The following GFRA1 variants were observed in gnomAD, a reference collection of about 807,000 sequenced individuals.
GFRA1 encodes GDNF family receptor alpha 1, also known as GDNF family receptor alpha-1.
In GFRA1, 16 loss-of-function variants were observed where a neutral mutation model predicts 51.6. The observed-to-expected ratio is 0.31, with a 90% CI of 0.21 to 0.47. The LOEUF (loss-of-function observed/expected upper bound fraction) is 0.47, where lower values mean the gene tolerates loss of function less well. GFRA1 is among the 20% of genes least tolerant of loss of function. GFRA1 has a pLI of 1.00. For synonymous variants in GFRA1, 270 were observed against 241.3 expected (o/e 1.12, Z -1.10); for missense variants, 530 against 594.3 (o/e 0.89, Z 1.13).
At chr10:116,096,884 C>G in intron 6 of GFRA1, 120 bp from the exon 7 acceptor site, 1 of 630,784 alleles carries the variant, frequency 1.6e-6, no homozygotes, top group Non-Finnish European at 2.9e-6. Flanking sequence ...CGCACACGCA[C>G]ACACACACAC....
chr10:116,128,585 G>C (rs994021876), intron 5 of GFRA1, among the ~76,000 whole-genome samples: 8 of 151,958 alleles, frequency 5.3e-5, no homozygotes, highest in East Asian at 1.9e-4. Flanking sequence ...CATTAGCCAG[G>C]CTTGGTGGCG....
intron 4 of GFRA1, among the ~76,000 whole-genome samples, chr10:116,220,953 T>C (rs1166499353): frequency 6.6e-6 from 1 of 152,104 alleles, no homozygotes; most frequent in Non-Finnish European, 1.5e-5. Flanking sequence ...TTATTTTCTT[T>C]CTCTCTCTTT....
intron 4 of GFRA1, among the ~76,000 whole-genome samples, chr10:116,262,987 G>A (rs573490275): frequency 3.6e-4 from 54 of 152,112 alleles, no homozygotes; most frequent in Middle Eastern, 3.2e-3. Flanking sequence ...ACTCACTTCC[G>A]ACCACAGAGC....
intron 4 of GFRA1, among the ~76,000 whole-genome samples, chr10:116,246,392 T>C (rs894486083): frequency 3.9e-5 from 6 of 152,070 alleles, no homozygotes; most frequent in Admixed American, 6.6e-5. Context: ...GGTTGCGCCA[T>C]TGCACTCCAG....
intron 9 of GFRA1, among the ~76,000 whole-genome samples, chr10:116,084,195 G>A (rs1043253420): frequency 6.6e-5 from 10 of 152,302 alleles, no homozygotes; most frequent in African/African-American, 1.9e-4. Flanking sequence ...TGGAGTGGTT[G>A]GGGGCAGGAC....
At chr10:116,151,349 T>C (rs1959056820) in intron 5 of GFRA1, among the ~76,000 whole-genome samples, 1 of 152,152 alleles carries the variant, frequency 6.6e-6, no homozygotes, top group African/African-American at 2.4e-5. Context: ...CAGTTTATGT[T>C]ACTGAATTGG....
In GFRA1 at chr10:116,150,928, G is replaced by A. The variant is rs923488067; in HGVS notation, c.434-25371C>T. Reference sequence around the variant, plus strand: ...AGTTTTTATATTTTATTTTCGCATCGAAAATCAGTCAGATTTGCTTCAGCC... The same window carrying A: ...AGTTTTTATATTTTATTTTCGCATCAAAAATCAGTCAGATTTGCTTCAGCC... On this transcript the variant is annotated intron_variant, in intron 5 of 10. Coordinates refer to ENST00000355422, the MANE Select transcript of GFRA1 (RefSeq NM_005264.8). Among the ~76,000 whole-genome samples, 7 of 151,652 alleles carry A rather than the reference G, an allele frequency of 4.6e-5. No homozygotes were observed. In the South Asian group the frequency reaches 1.5e-3, roughly 32 times the overall value.
chr10:116,180,170 C>T (rs530384232), intron 5 of GFRA1, among the ~76,000 whole-genome samples: 7 of 152,254 alleles, frequency 4.6e-5, no homozygotes, highest in African/African-American at 1.4e-4. Flanking sequence ...AAGTGCCTGG[C>T]TGAGGTGAAC....
chr10:116,130,223 C>T (rs1165645494), intron 5 of GFRA1, among the ~76,000 whole-genome samples: 3 of 151,916 alleles, frequency 2.0e-5, no homozygotes, highest in African/African-American at 7.2e-5. Context: ...ATACTCAATA[C>T]TTTATGATTA....
intron 5 of GFRA1, among the ~76,000 whole-genome samples, chr10:116,174,754 T>A (rs1335188880): frequency 5.3e-5 from 8 of 152,224 alleles, no homozygotes. Context: ...TTTAAAAGGT[T>A]ATGCACCAGT....
intron 6 of GFRA1, among the ~76,000 whole-genome samples, chr10:116,121,794 G>C (rs763157990): frequency 6.6e-6 from 1 of 152,164 alleles, no homozygotes; most frequent in Non-Finnish European, 1.5e-5. Flanking sequence ...GGTGAGGTTA[G>C]GGTTATAGCA....
intron 4 of GFRA1, among the ~76,000 whole-genome samples, chr10:116,261,938 G>A (rs1005127860): frequency 6.6e-6 from 1 of 152,146 alleles, no homozygotes; most frequent in Non-Finnish European, 1.5e-5. Context: ...AACGATGCTA[G>A]AAGCAGAACA....
In GFRA1 at chr10:116,064,037, A is replaced by AATCATCATGATCATGATG. The variant is rs1555142114; in HGVS notation, c.*360_*361insCATCATGATCATGATGAT. 401 of 207,190 alleles carry AATCATCATGATCATGATG rather than the reference A, an allele frequency of 1.9e-3. 6 individuals are homozygous for AATCATCATGATCATGATG. Among genetic ancestry groups the AATCATCATGATCATGATG allele is most frequent in the African/African-American group, 8.9e-3 (374 of 42,114 alleles). 12.8% of individuals were successfully genotyped at this position (207,190 alleles called of 1,614,324 possible). A position where few individuals can be genotyped will look rare whatever the true frequency, so the allele number is the denominator to read the frequency against. ...GAAAGGCCAGAAGTAAAACTGTTAA[A>AATCATCATGATCATGATG]ATCATCATCATGATCATGATGATCA... is the stretch of plus-strand genomic sequence containing the variant. On this transcript the variant is annotated 3_prime_UTR_variant, in exon 11 of 11. Transcript: ENST00000355422.
At chr10:116,130,745 T>A (rs1449224442) in intron 5 of GFRA1, among the ~76,000 whole-genome samples, 1 of 152,040 alleles carries the variant, frequency 6.6e-6, no homozygotes, top group Non-Finnish European at 1.5e-5. Flanking sequence ...ACAAAAAACC[T>A]CAATCCCTAC....
At chr10:116,209,029 G>T (rs1189067899) in intron 5 of GFRA1, among the ~76,000 whole-genome samples, 9 of 152,160 alleles carry the variant, frequency 5.9e-5, no homozygotes. Context: ...CCTGGAACTC[G>T]TATGTAGAAA....
chr10:116,095,384 T>C (rs549911925), intron 7 of GFRA1, among the ~76,000 whole-genome samples: 1 of 152,224 alleles, frequency 6.6e-6, no homozygotes, highest in Admixed American at 6.5e-5. Context: ...TCTGTATTTT[T>C]AAAACACTTT....
At chr10:116,250,573 T>C (rs984201186) in intron 4 of GFRA1, among the ~76,000 whole-genome samples, 37 of 152,252 alleles carry the variant, frequency 2.4e-4, no homozygotes, top group African/African-American at 8.9e-4. Flanking sequence ...AGCGTACATC[T>C]GAAGTGCAAC....
intron 5 of GFRA1, among the ~76,000 whole-genome samples, chr10:116,156,847 T>C (rs1303035422): frequency 6.7e-6 from 1 of 149,496 alleles, no homozygotes; most frequent in Non-Finnish European, 1.5e-5. Context: ...GCTGTACCCA[T>C]TGTGTTTCCA....
chr10:116,085,373 G>A (rs1956052596), intron 9 of GFRA1, among the ~76,000 whole-genome samples: 2 of 152,178 alleles, frequency 1.3e-5, no homozygotes, highest in South Asian at 2.1e-4. Context: ...CGCTTCTCAA[G>A]GGAAGTGAAC....
Sources: allele counts gnomAD v4.1 joint callset (sites outside exome capture counted in the v4.1 genomes callset), GRCh38; gene constraint gnomAD v4.1.1; transcripts MANE v1.5; gene names NCBI Gene and HGNC (gene_info 2026-07-23, HGNC 2026-07-21).